The following MACF1 variants were observed in gnomAD, a reference collection of about 807,000 sequenced individuals.
MACF1 encodes the protein microtubule-actin cross-linking factor 1.
Under a neutral mutation model 854.8 loss-of-function variants are expected in MACF1, and 193 were observed. That is an observed-to-expected ratio of 0.23 (90% CI 0.20 to 0.25). MACF1 has a LOEUF of 0.25. MACF1 is among the 10% of genes least tolerant of loss of function. MACF1 has a pLI of 1.00. For missense variants in MACF1, 7,722 were observed against 8,929.1 expected, an observed-to-expected ratio of 0.86 and a Z score of 5.45; for synonymous variants, 3,185 against 3,226.7, an observed-to-expected ratio of 0.99 and a Z score of 0.44.
At chr1:39,263,528 GT>G (rs1384091912) in intron 6 of MACF1, among the ~76,000 whole-genome samples, 1 of 152,052 alleles carries the variant, frequency 6.6e-6, no homozygotes, top group Non-Finnish European at 1.5e-5. Context: ...TTGCTTCAGG[GT>G]TTTTTCTCTC....
rs1644253980 is a variant in MACF1, at chr1:39,447,474, A to G, written c.19648A>G (p.Asn6550Asp). The change falls in exon 81 of 101, where the codon AAT becomes GAT. Residue 6550 changes from asparagine to aspartate, a missense_variant. Coordinates refer to ENST00000564288, the MANE Select transcript of MACF1 (RefSeq NM_001394062.1). ...CCTCAACTTGGCAACAGAATTCCAG[A>G]ATTCCCTACAAGAATTTATCAACTG... ...EALNLATEFQNSLQEFINWLT... is the reference protein window; with the variant it reads ...EALNLATEFQDSLQEFINWLT... 1 of 1,614,166 alleles carries G rather than the reference A, an allele frequency of 6.2e-7. No homozygotes were observed. The highest frequency in any genetic ancestry group is 8.5e-7 in the Non-Finnish European group (1 of 1,180,020).
chr1:39,194,581 A>T (rs185767616), intron 2 of MACF1, among the ~76,000 whole-genome samples: 1 of 151,228 alleles, frequency 6.6e-6, no homozygotes, highest in South Asian at 2.1e-4. Context: ...ACCTTAGGTG[A>T]TCCACCCCGC....
At chr1:39,475,818 T>C (rs1339793691) in intron 97 of MACF1, among the ~76,000 whole-genome samples, 3 of 152,066 alleles carry the variant, frequency 2.0e-5, no homozygotes, top group African/African-American at 2.4e-5. Context: ...GGTGTGACTA[T>C]AATGGTAGCA....
At chr1:39,216,138 G>A (rs1007647623) in intron 1 of MACF1, among the ~76,000 whole-genome samples, 1 of 149,240 alleles carries the variant, frequency 6.7e-6, no homozygotes, top group Non-Finnish European at 1.5e-5. Flanking sequence ...TCAATTCTCT[G>A]TAAAATGAAA....
At position 39,236,852 on chromosome 1, in the gene MACF1, A is replaced by G. The variant is rs565306619; in HGVS notation, c.171+5609A>G. 2.0e-5 allele frequency among the ~76,000 whole-genome samples: 3 copies of G among 152,102 alleles called. No homozygotes were observed. The East Asian group carries it at 5.8e-4, about 29-fold the overall frequency. The stretch of plus-strand genomic sequence containing the variant: ...TAATTTTTGTATTTTTAGTAGAGAC[A>G]GGGTTATACCATATTGGCCAGGCTG... On this transcript the variant is annotated intron_variant, in intron 2 of 100. Coordinates refer to ENST00000564288, the MANE Select transcript of MACF1 (RefSeq NM_001394062.1).
rs1353098382 is a variant in MACF1, at chr1:39,177,702, C to T, written c.221-53480C>T. Among the ~76,000 whole-genome samples, 4 of 152,130 alleles carry T rather than the reference C, an allele frequency of 2.6e-5. No individual in the cohort carries two copies. In the East Asian group the frequency reaches 7.7e-4, roughly 29 times the overall value. On this transcript the variant is annotated intron_variant, in intron 2 of 93. Coordinates refer to the MACF1 transcript ENST00000361689. ...ATATAACCATCTTTCAGAGAGTCAGCTCCAAGAGGTAACTGGGAAACATCT... is the reference window on the plus strand; with the variant it reads ...ATATAACCATCTTTCAGAGAGTCAGTTCCAAGAGGTAACTGGGAAACATCT...
intron 40 of MACF1, among the ~76,000 whole-genome samples, chr1:39,343,992 G>C (rs1164581880): frequency 6.6e-6 from 1 of 150,954 alleles, no homozygotes; most frequent in Non-Finnish European, 1.5e-5. Flanking sequence ...GCACATGCCT[G>C]TAATCTCAGC....
intron 6 of MACF1, among the ~76,000 whole-genome samples, chr1:39,273,881 CGCCCA>C (rs1645380755): frequency 6.6e-6 from 1 of 152,158 alleles, no homozygotes; most frequent in Non-Finnish European, 1.5e-5. Flanking sequence ...TGAGCCACCG[CGCCCA>C]GCCTTGTTTC....
intron 2 of MACF1, among the ~76,000 whole-genome samples, chr1:39,102,068 C>T (rs1642094847): frequency 6.6e-6 from 1 of 150,952 alleles, no homozygotes; most frequent in African/African-American, 2.4e-5. Flanking sequence ...CCCAGCTACT[C>T]GGGAGGCTGA....
chr1:39,166,946 GAAGTA>G (rs1182793975), intron 2 of MACF1, among the ~76,000 whole-genome samples: 3 of 151,964 alleles, frequency 2.0e-5, no homozygotes, highest in Non-Finnish European at 2.9e-5. Context: ...AGAGGTGAGA[GAAGTA>G]AAGAGCAGGG....
rs781613948 is a variant in MACF1 at position 39,322,646 on chromosome 1, G to A, written c.4068G>A (p.Val1356=). 1.2e-6 allele frequency: 2 copies of A among 1,614,122 alleles called. No homozygotes were observed. The highest frequency in any genetic ancestry group is 1.7e-6 in the Non-Finnish European group (2 of 1,179,992). Residue 1356 remains valine, a synonymous_variant, in exon 32 of 101, where the codon GTG becomes GTA. Transcript: ENST00000564288. ...AACTGATGACATACAAGGCCTTTGT[G>A]GAATCGCAGCAGAAATCCCCTGGCA... The part of the protein sequence containing the change: ...ELQLMTYKAF[V]ESQQKSPGKR...
chr1:39,231,868 A>T (rs1644781536), intron 2 of MACF1, among the ~76,000 whole-genome samples: 1 of 151,802 alleles, frequency 6.6e-6, no homozygotes, highest in Non-Finnish European at 1.5e-5. Flanking sequence ...TAATCTGAAT[A>T]CTATGGAAGG....
At chr1:39,187,902 C>CTGTCTCTCTCT (rs777139372) in intron 2 of MACF1, among the ~76,000 whole-genome samples, 1 of 97,382 alleles carries the variant, frequency 1.0e-5, no homozygotes, top group African/African-American at 3.6e-5. Flanking sequence ...CTCTCTCTCT[C>CTGTCTCTCTCT]CTCTCTCCTT....
At chr1:39,353,318 G>A (rs1012399829) in intron 44 of MACF1, 87 bp downstream of exon 44, 10 of 962,802 alleles carry the variant, frequency 1.0e-5, no homozygotes, top group Admixed American at 2.7e-5. Flanking sequence ...CCTAAATCCA[G>A]TGAGCACTTC....
intron 57 of MACF1, 125 bp from the exon 58 acceptor site, chr1:39,387,062 C>CT: frequency 9.6e-7 from 1 of 1,038,114 alleles, no homozygotes; most frequent in Non-Finnish European, 1.4e-6. Flanking sequence ...TTATATGCCT[C>CT]TTTTTGGTAG....
chr1:39,368,350 C>G, intron 50 of MACF1, 36 bp downstream of exon 50: 2 of 1,575,402 alleles, frequency 1.3e-6, no homozygotes, highest in Non-Finnish European at 1.7e-6. Flanking sequence ...CATTGGGGAA[C>G]TATTTTTTCT....
At chr1:39,463,889 T>A (rs1644608115) in intron 94 of MACF1, 1 of 483,492 alleles carries the variant, frequency 2.1e-6, no homozygotes, top group Middle Eastern at 5.7e-4. Flanking sequence ...TAGTAGTAGT[T>A]TGTATTTAAG....
At chr1:39,199,206 C>G (rs958723005) in intron 2 of MACF1, among the ~76,000 whole-genome samples, 2 of 151,442 alleles carry the variant, frequency 1.3e-5, no homozygotes, top group Middle Eastern at 3.4e-3. Flanking sequence ...AGGATGGTCT[C>G]GATCTCCTGA....
intron 68 of MACF1, among the ~76,000 whole-genome samples, chr1:39,433,770 T>A (rs1202148024): frequency 6.6e-6 from 1 of 152,118 alleles, no homozygotes; most frequent in East Asian, 1.9e-4. Context: ...ATGTTCAGTT[T>A]TAAACTGATC....
Sources: gnomAD v4.1 joint callset for allele counts (sites outside exome capture counted in the v4.1 genomes callset) on GRCh38, gnomAD v4.1.1 for gene constraint, MANE v1.5 for transcripts, NCBI Gene and HGNC (gene_info 2026-07-23, HGNC 2026-07-21) for gene names.